VAV2: variants seen among roughly 807,000 people sequenced by gnomAD.
VAV2 encodes the protein guanine nucleotide exchange factor VAV2.
VAV2 carries 67 observed loss-of-function variants against 132.5 expected under a neutral mutation model. The observed-to-expected ratio is 0.51, with a 90% CI of 0.42 to 0.62. VAV2 has a LOEUF of 0.62. VAV2 is among the 20% of genes least tolerant of loss of function. The probability of loss-of-function intolerance (pLI) is 0.00; values close to 1 mark genes in which losing one functional copy is unlikely to be tolerated. For synonymous variants in VAV2, 492 were observed against 443.5 expected (o/e 1.11, Z -1.37); for missense variants, 938 against 1,153.6 (o/e 0.81, Z 2.71).
intron 2 of VAV2, among the ~76,000 whole-genome samples, chr9:133,864,587 G>A (rs1021037496): frequency 6.6e-6 from 1 of 152,170 alleles, no homozygotes; most frequent in East Asian, 1.9e-4. Flanking sequence ...TTTTAAAGGC[G>A]GCACTTTAAA....
intron 1 of VAV2, among the ~76,000 whole-genome samples, chr9:133,955,364 C>CA (rs1841718743): frequency 6.6e-6 from 1 of 151,402 alleles, no homozygotes; most frequent in South Asian, 2.1e-4. Flanking sequence ...GCACGGTCCC[C>CA]ACACTCCTCC....
At position 133,796,447 on chromosome 9, in the gene VAV2, T is replaced by G. The variant is rs1261055802; in HGVS notation, c.1014A>C (p.Lys338Asn). 1 of 1,613,486 alleles carries G rather than the reference T, an allele frequency of 6.2e-7. No individual in the cohort carries two copies. Among genetic ancestry groups the G allele is most frequent in the Non-Finnish European group, 8.5e-7 (1 of 1,179,918 alleles). ...GCCTCACCTTCAAGAGCAGGTGGTA[T>G]TTGAGCACCCTCTGCATGGGGACCA... ...LLVVPMQRVL[K>N]YHLLLKELLS... Residue 338 changes from lysine (K) to asparagine (N), a missense_variant, in exon 11 of 30, where the codon AAA becomes AAC. Lys to Asn is a moderately conservative substitution (Grantham distance 94). Transcript: ENST00000371850.
Position 133,823,518 on chromosome 9 carries a change from A to C in VAV2, c.449+10754T>G, listed in dbSNP as rs899351990. 6.6e-6 allele frequency among the ~76,000 whole-genome samples: 1 copy of C among 152,226 alleles called. No individual in the cohort carries two copies. The highest frequency in any genetic ancestry group is 1.5e-5 in the Non-Finnish European group (1 of 68,040). ...TCTTAAGTGCCACTGTGTGTCAGTC[A>C]GATCTACGCTGAATACAAGGGAAAT... On this transcript the variant is annotated intron_variant, in intron 4 of 29. Transcript: ENST00000371850. The surrounding 1 kb of genome is among the most constrained non-coding windows in gnomAD (Gnocchi z 5.5).
At chr9:133,862,011 G>A (rs967816505) in intron 2 of VAV2, among the ~76,000 whole-genome samples, 2 of 152,364 alleles carry the variant, frequency 1.3e-5, no homozygotes, top group Non-Finnish European at 2.9e-5. Flanking sequence ...TGGAGGGCTC[G>A]GGATGCAGAA....
chr9:133,929,052 C>T (rs927370019), intron 2 of VAV2, among the ~76,000 whole-genome samples: 1 of 152,220 alleles, frequency 6.6e-6, no homozygotes, highest in Non-Finnish European at 1.5e-5. Flanking sequence ...CCACAGCCCT[C>T]GGCATGGGGG....
intron 11 of VAV2, among the ~76,000 whole-genome samples, chr9:133,795,987 G>C (rs1834697644): frequency 6.6e-6 from 1 of 152,232 alleles, no homozygotes; most frequent in Non-Finnish European, 1.5e-5. Flanking sequence ...CCGTGAGAAG[G>C]GCCATGAAGG....
chr9:133,789,458 C>A, intron 13 of VAV2, 115 bp from the exon 14 acceptor site: 1 of 973,014 alleles, frequency 1.0e-6, no homozygotes, highest in Admixed American at 1.9e-5. Flanking sequence ...GCAGCAGAGG[C>A]GGGACGAAGG....
chr9:133,767,035 A>C (rs1323682775), intron 29 of VAV2, among the ~76,000 whole-genome samples: 1 of 152,006 alleles, frequency 6.6e-6, no homozygotes, highest in Non-Finnish European at 1.5e-5. Context: ...AAGTAGAATT[A>C]AAAATATATT....
At chr9:133,985,225 ATTGTGT>A (rs1470075069) in intron 1 of VAV2, among the ~76,000 whole-genome samples, 1 of 92,670 alleles carries the variant, frequency 1.1e-5, no homozygotes, top group Non-Finnish European at 2.1e-5. Flanking sequence ...ATCTTGCCTT[ATTGTGT>A]GTGTGTGTGT....
Position 133,918,110 on chromosome 9 carries a change from T to C in VAV2, c.321+20993A>G, listed in dbSNP as rs1840165446. The stretch of plus-strand genomic sequence containing the variant: ...CATTAAACATGATTTAATTTGCTTT[T>C]CCTAATGATATGCCCACAGTATTAG... On this transcript the variant is annotated intron_variant, in intron 2 of 29. Coordinates refer to ENST00000371850, the MANE Select transcript of VAV2 (RefSeq NM_001134398.2). The surrounding 1 kb of genome is among the most constrained non-coding windows in gnomAD (Gnocchi z 4.7). Among the ~76,000 whole-genome samples, 1 of 152,206 alleles carries C rather than the reference T, an allele frequency of 6.6e-6. No individual in the cohort carries two copies. The highest frequency in any genetic ancestry group is 6.5e-5 in the Admixed American group (1 of 15,290).
chr9:133,887,394 T>C (rs1838754500), intron 2 of VAV2, among the ~76,000 whole-genome samples: 1 of 152,078 alleles, frequency 6.6e-6, no homozygotes, highest in Non-Finnish European at 1.5e-5. Context: ...TTCAGAGGTG[T>C]GGACATCTGG....
At chr9:133,844,715 C>T (rs546887783) in intron 3 of VAV2, among the ~76,000 whole-genome samples, 29 of 152,368 alleles carry the variant, frequency 1.9e-4, no homozygotes, top group South Asian at 1.4e-3. Context: ...GACCCTCGGC[C>T]GAGCTCAGTC....
rs886367351 is a variant in VAV2, at chr9:133,804,782, C to A, written c.836+1299G>T. ...GATGAAGGGAACACCTTGCTGAGGG[C>A]AGGTTAGGGAGCTGTCCTCCCCCGA... On this transcript the variant is annotated intron_variant, in intron 9 of 29. Transcript: ENST00000371850. The surrounding 1 kb of genome is among the most constrained non-coding windows in gnomAD (Gnocchi z 4.5). Among the ~76,000 whole-genome samples, 42 of 152,202 alleles carry A rather than the reference C, an allele frequency of 2.8e-4. No homozygotes were observed. The highest frequency in any genetic ancestry group is 4.1e-4 in the South Asian group (2 of 4,834).
chr9:133,953,218 G>A (rs1298959273), intron 1 of VAV2, among the ~76,000 whole-genome samples: 2 of 152,248 alleles, frequency 1.3e-5, no homozygotes, highest in African/African-American at 4.8e-5. Flanking sequence ...CAGGGCTGCT[G>A]CTGGAAGGCG....
chr9:133,850,370 C>T (rs1837118806), intron 3 of VAV2, among the ~76,000 whole-genome samples: 1 of 152,244 alleles, frequency 6.6e-6, no homozygotes, highest in East Asian at 1.9e-4. Context: ...CCGGTGTCCA[C>T]TCCCCACATG....
chr9:133,861,140 T>C, intron 3 of VAV2: 1 of 468,580 alleles, frequency 2.1e-6, no homozygotes, highest in Non-Finnish European at 3.8e-6. Context: ...TCGAAAGAGA[T>C]TTTGCAGCCG....
intron 2 of VAV2, among the ~76,000 whole-genome samples, chr9:133,880,463 T>C (rs1388056292): frequency 6.6e-6 from 1 of 152,142 alleles, no homozygotes; most frequent in African/African-American, 2.4e-5. Context: ...GATGGTTTTA[T>C]AAAAGATGCC....
intron 9 of VAV2, among the ~76,000 whole-genome samples, chr9:133,805,296 T>C (rs1835089451): frequency 6.6e-6 from 1 of 152,106 alleles, no homozygotes; most frequent in Non-Finnish European, 1.5e-5. Context: ...GGACATGGTA[T>C]TTGTAACAAG....
chr9:133,767,230 C>T (rs891038934), intron 29 of VAV2, among the ~76,000 whole-genome samples: 10 of 152,164 alleles, frequency 6.6e-5, no homozygotes, highest in African/African-American at 2.4e-4. Context: ...ATAAGAAATC[C>T]ATTTTAAATA....
Sources: allele counts gnomAD v4.1 joint callset (sites outside exome capture counted in the v4.1 genomes callset), GRCh38; gene constraint gnomAD v4.1.1; non-coding constraint Gnocchi (gnomAD v3.1); transcripts MANE v1.5; gene names NCBI Gene and HGNC (gene_info 2026-07-23, HGNC 2026-07-21).